The following RNGTT variants were observed in gnomAD, a reference collection of about 807,000 sequenced individuals.
The protein encoded by RNGTT is mRNA-capping enzyme.
A neutral mutation model predicts 79.3 loss-of-function variants in RNGTT; 33 were observed. That is an observed-to-expected ratio of 0.42 (90% CI 0.32 to 0.56). RNGTT has a LOEUF of 0.56. Among genes scored for constraint, RNGTT ranks in the 20% least tolerant of loss-of-function variants. The probability of loss-of-function intolerance (pLI) is 0.17; values close to 1 mark genes in which losing one functional copy is unlikely to be tolerated. For synonymous variants in RNGTT, 222 were observed against 235.9 expected (o/e 0.94, Z 0.54); for missense variants, 497 against 739.1 (o/e 0.67, Z 3.80).
intron 13 of RNGTT, among the ~76,000 whole-genome samples, chr6:88,752,663 A>G (rs1777878111): frequency 6.6e-6 from 1 of 152,152 alleles, no homozygotes. Flanking sequence ...TAGGAAGACA[A>G]ATATGTTTTT....
intron 13 of RNGTT, among the ~76,000 whole-genome samples, chr6:88,705,550 A>C (rs1167043599): frequency 6.6e-6 from 1 of 152,156 alleles, no homozygotes; most frequent in East Asian, 1.9e-4. Flanking sequence ...ATGAAGCATA[A>C]ATAGAAATAT....
chr6:88,643,711 C>T (rs1773415741), intron 14 of RNGTT, among the ~76,000 whole-genome samples: 1 of 152,158 alleles, frequency 6.6e-6, no homozygotes, highest in Admixed American at 6.5e-5. Context: ...CTCAAAACTG[C>T]TCAACTACAT....
At chr6:88,830,401 A>G (rs1780817517) in intron 11 of RNGTT, among the ~76,000 whole-genome samples, 1 of 152,250 alleles carries the variant, frequency 6.6e-6, no homozygotes, top group African/African-American at 2.4e-5. Context: ...ACAACGTACC[A>G]GAATCTTTGG....
intron 14 of RNGTT, among the ~76,000 whole-genome samples, chr6:88,626,041 C>G (rs1772619625): frequency 6.6e-6 from 1 of 151,992 alleles, no homozygotes; most frequent in Admixed American, 6.6e-5. Flanking sequence ...ATGCTCACAA[C>G]AACCCTATGA....
At chr6:88,845,417 C>G (rs1480970772) in intron 10 of RNGTT, among the ~76,000 whole-genome samples, 1 of 152,214 alleles carries the variant, frequency 6.6e-6, no homozygotes, top group African/African-American at 2.4e-5. Context: ...GAGGATAAGT[C>G]TCGTCCTATC....
chr6:88,944,314 T>C (rs1327320254), intron 1 of RNGTT, among the ~76,000 whole-genome samples: 9 of 152,206 alleles, frequency 5.9e-5, no homozygotes, highest in African/African-American at 2.2e-4. Context: ...CACTAATAAA[T>C]GGTAAAAACA....
intron 13 of RNGTT, among the ~76,000 whole-genome samples, chr6:88,730,185 T>G (rs1039832932): frequency 6.6e-6 from 1 of 152,226 alleles, no homozygotes; most frequent in African/African-American, 2.4e-5. Flanking sequence ...TATGTCAATA[T>G]GTAAAATTCT....
intron 8 of RNGTT, among the ~76,000 whole-genome samples, chr6:88,864,029 T>C (rs1490583055): frequency 6.6e-6 from 1 of 152,176 alleles, no homozygotes; most frequent in Non-Finnish European, 1.5e-5. Flanking sequence ...CATCCTCCAC[T>C]GCTCAGGAAT....
intron 1 of RNGTT, among the ~76,000 whole-genome samples, chr6:88,960,387 G>A (rs924343301): frequency 1.3e-5 from 2 of 152,194 alleles, no homozygotes; most frequent in Non-Finnish European, 2.9e-5. Flanking sequence ...TTCCTAGTAA[G>A]CTCTTTACAT....
intron 13 of RNGTT, among the ~76,000 whole-genome samples, chr6:88,707,670 G>C (rs1776176540): frequency 6.7e-6 from 1 of 149,238 alleles, no homozygotes; most frequent in South Asian, 2.1e-4. Flanking sequence ...GCATAAAGTA[G>C]CCTTGAGTAG....
chr6:88,705,688 T>G (rs1269002040), intron 13 of RNGTT, among the ~76,000 whole-genome samples: 1 of 152,168 alleles, frequency 6.6e-6, no homozygotes, highest in Admixed American at 6.5e-5. Context: ...CTAACACATC[T>G]GAAGTCATCT....
intron 8 of RNGTT, among the ~76,000 whole-genome samples, chr6:88,854,209 G>A (rs983862356): frequency 6.6e-6 from 1 of 152,004 alleles, no homozygotes; most frequent in East Asian, 1.9e-4. Flanking sequence ...CGATTACAGC[G>A]ATGAGCCACC....
intron 12 of RNGTT, among the ~76,000 whole-genome samples, chr6:88,774,901 G>A (rs1778820005): frequency 6.6e-6 from 1 of 152,110 alleles, no homozygotes; most frequent in Non-Finnish European, 1.5e-5. Context: ...AGTGGAGGTG[G>A]TTGTACAACA....
At chr6:88,954,607 G>C (rs1029482394) in intron 1 of RNGTT, among the ~76,000 whole-genome samples, 2 of 151,750 alleles carry the variant, frequency 1.3e-5, no homozygotes, top group Non-Finnish European at 2.9e-5. Context: ...AAAAAGAATA[G>C]AGTTAAATAT....
chr6:88,679,406 G>A (rs1273265608), intron 13 of RNGTT, among the ~76,000 whole-genome samples: 2 of 152,188 alleles, frequency 1.3e-5, no homozygotes, highest in East Asian at 1.9e-4. Flanking sequence ...TATGGACAGA[G>A]TAAGAAATAA....
chr6:88,689,805 T>C (rs1241656853), intron 13 of RNGTT, among the ~76,000 whole-genome samples: 1 of 150,278 alleles, frequency 6.7e-6, no homozygotes, highest in Non-Finnish European at 1.5e-5. Context: ...AATTAGAAAA[T>C]GAAAGTTTAG....
chr6:88,710,275 G>T (rs1776274276), intron 13 of RNGTT, among the ~76,000 whole-genome samples: 2 of 152,156 alleles, frequency 1.3e-5, no homozygotes, highest in African/African-American at 4.8e-5. Flanking sequence ...TTCCAAAAGG[G>T]TCTGATCTAA....
At chr6:88,842,315 A>G (rs1781318983) in intron 11 of RNGTT, among the ~76,000 whole-genome samples, 2 of 152,164 alleles carry the variant, frequency 1.3e-5, no homozygotes, top group South Asian at 4.1e-4. Context: ...TGCAGTTTAT[A>G]TGTCTTAAAA....
Position 88,811,648 on chromosome 6 carries a change from T to C in RNGTT, c.1270-10016A>G, listed in dbSNP as rs541030148. The stretch of plus-strand genomic sequence containing the variant: ...GCAAAATGACAGCTTAAGACTACAG[T>C]GAAGAAGAAACTCAATCTCCAATGT... On this transcript the variant is annotated intron_variant, in intron 11 of 15. Transcript: ENST00000369485. 3.9e-5 allele frequency among the ~76,000 whole-genome samples: 6 copies of C among 152,250 alleles called. No individual in the cohort carries two copies. In the South Asian group the frequency reaches 8.3e-4, roughly 21 times the overall value.
Sources: allele counts gnomAD v4.1 joint callset (sites outside exome capture counted in the v4.1 genomes callset), GRCh38; gene constraint gnomAD v4.1.1; transcripts MANE v1.5; gene names NCBI Gene and HGNC (gene_info 2026-07-23, HGNC 2026-07-21).